Variants in PDE8A observed in about 807,000 individuals in gnomAD.
The protein encoded by PDE8A is high affinity cAMP-specific and IBMX-insensitive 3',5'-cyclic phosphodiesterase 8A.
In PDE8A, 59 loss-of-function variants were observed where a neutral mutation model predicts 105.0. That is an observed-to-expected ratio of 0.56 (90% confidence interval 0.46 to 0.70). PDE8A has a LOEUF of 0.70. Among genes scored for constraint, PDE8A ranks in the 30% least tolerant of loss-of-function variants. The probability of loss-of-function intolerance (pLI) is 0.00; values close to 1 mark genes in which losing one functional copy is unlikely to be tolerated. For missense variants in PDE8A, 1,014 were observed against 1,045.9 expected, an observed-to-expected ratio of 0.97 and a Z score of 0.42; for synonymous variants, 355 against 371.9, an observed-to-expected ratio of 0.95 and a Z score of 0.52.
Position 84,982,044 on chromosome 15 carries a change from G to A in PDE8A, c.-119G>A. ...GTTTCCTGACGCGAGATCCGCGCTCGCCGCCGCCCGCCCAGGCGGCGATGA... is the reference window on the plus strand; with the variant it reads ...GTTTCCTGACGCGAGATCCGCGCTCACCGCCGCCCGCCCAGGCGGCGATGA... On this transcript the variant is annotated 5_prime_UTR_variant, in exon 1 of 22. Coordinates refer to ENST00000394553, the MANE Select transcript of PDE8A (RefSeq NM_002605.3). 1 of 488,846 alleles carries A rather than the reference G, an allele frequency of 2.0e-6. No homozygotes were observed. Among genetic ancestry groups the A allele is most frequent in the Non-Finnish European group, 3.0e-6 (1 of 328,440 alleles). The allele number at this position is 488,846 out of a possible 1,614,324, so 30.3% of individuals were successfully genotyped here. A position where few individuals can be genotyped will look rare whatever the true frequency, so the allele number is the denominator to read the frequency against.
chr15:84,982,643 TTGAC>T (rs1175916838), intron 1 of PDE8A, among the ~76,000 whole-genome samples: 1 of 152,044 alleles, frequency 6.6e-6, no homozygotes. Flanking sequence ...CGATGTGAAG[TTGAC>T]TGAGGCGCTT....
At chr15:84,989,474 C>A (rs1171731099) in intron 1 of PDE8A, among the ~76,000 whole-genome samples, 1 of 152,190 alleles carries the variant, frequency 6.6e-6, no homozygotes, top group Non-Finnish European at 1.5e-5. Flanking sequence ...GGCACATCAG[C>A]AGTTCCCAGG....
intron 1 of PDE8A, among the ~76,000 whole-genome samples, chr15:85,007,522 T>C (rs760107458): frequency 2.0e-5 from 3 of 151,722 alleles, no homozygotes; most frequent in Admixed American, 1.3e-4. Context: ...GTACTTTCTG[T>C]GTATGTTCAA....
At position 85,055,775 on chromosome 15, in the gene PDE8A, G is replaced by A. The variant is rs564558866; in HGVS notation, c.187-8595G>A. On this transcript the variant is annotated intron_variant, in intron 1 of 21. Coordinates refer to ENST00000394553, the MANE Select transcript of PDE8A (RefSeq NM_002605.3). ...TTGACTCTATCCAATTTGCCAGTCTGTGTCTTTTAATTGGAGCATTTAGCC... is the reference window on the plus strand; with the variant it reads ...TTGACTCTATCCAATTTGCCAGTCTATGTCTTTTAATTGGAGCATTTAGCC... Among the ~76,000 whole-genome samples the A allele has an allele frequency of 9.1e-3, 1,385 of 152,234 alleles. 25 individuals are homozygous for A. Among genetic ancestry groups the A allele is most frequent in the African/African-American group, 0.032 (1,310 of 41,516 alleles).
intron 11 of PDE8A, among the ~76,000 whole-genome samples, chr15:85,105,960 C>G (rs1450662254): frequency 6.6e-6 from 1 of 152,206 alleles, no homozygotes; most frequent in Non-Finnish European, 1.5e-5. Context: ...TGGTCCATCT[C>G]TACCCACTGG....
intron 16 of PDE8A, among the ~76,000 whole-genome samples, chr15:85,117,124 T>C (rs2082108424): frequency 6.6e-6 from 1 of 152,204 alleles, no homozygotes; most frequent in Admixed American, 6.5e-5. Flanking sequence ...CCCCTCATAC[T>C]TTTAACGCCC....
chr15:85,104,111 A>G (rs768622523), intron 11 of PDE8A, among the ~76,000 whole-genome samples: 3 of 152,234 alleles, frequency 2.0e-5, no homozygotes, highest in Admixed American at 1.3e-4. Context: ...ACCAAATTGT[A>G]GTGACAACTG....
chr15:85,100,203 G>T lies in PDE8A; in HGVS notation c.1036+5G>T. On this transcript the variant is annotated splice_donor_5th_base_variant and intron_variant, in intron 11 of 21. Transcript: ENST00000394553. ...TTCAGTCTGACACTCATACAGGTACGGTGCCCCGTATTTATTCTTAGAGTT... is the reference window on the plus strand; with the variant it reads ...TTCAGTCTGACACTCATACAGGTACTGTGCCCCGTATTTATTCTTAGAGTT... 5 of 1,609,250 alleles carry T rather than the reference G, an allele frequency of 3.1e-6. No homozygotes were observed. Among genetic ancestry groups the T allele is most frequent in the Non-Finnish European group, 4.3e-6 (5 of 1,176,290 alleles).
intron 6 of PDE8A, among the ~76,000 whole-genome samples, chr15:85,087,364 G>A (rs2081571668): frequency 6.6e-6 from 1 of 152,036 alleles, no homozygotes; most frequent in Non-Finnish European, 1.5e-5. Flanking sequence ...CACCAGGCCA[G>A]CTAATTTTTT....
chr15:85,085,675 C>CAAAAAGTAAA, intron 6 of PDE8A, among the ~76,000 whole-genome samples: 1 of 115,394 alleles, frequency 8.7e-6, no homozygotes, highest in East Asian at 2.6e-4. Context: ...GACTCTGTCT[C>CAAAAAGTAAA]AAAAAAAAAA....
At chr15:85,051,792 T>A (rs532333126) in intron 1 of PDE8A, among the ~76,000 whole-genome samples, 9 of 152,240 alleles carry the variant, frequency 5.9e-5, no homozygotes, top group African/African-American at 1.7e-4. Flanking sequence ...ACGTGATCGT[T>A]TTCCTTTTTA....
chr15:85,015,794 T>C (rs2080315675), intron 1 of PDE8A, among the ~76,000 whole-genome samples: 1 of 152,216 alleles, frequency 6.6e-6, no homozygotes, highest in South Asian at 2.1e-4. Flanking sequence ...GGCATCTCTT[T>C]CTATATTGCA....
At chr15:85,053,635 T>A (rs1279173447) in intron 1 of PDE8A, among the ~76,000 whole-genome samples, 1 of 152,244 alleles carries the variant, frequency 6.6e-6, no homozygotes, top group Non-Finnish European at 1.5e-5. Flanking sequence ...TATTGGTGTA[T>A]AGGAATGCTT....
intron 3 of PDE8A, among the ~76,000 whole-genome samples, chr15:85,068,767 C>A (rs931211074): frequency 2.0e-5 from 3 of 152,078 alleles, no homozygotes; most frequent in Non-Finnish European, 4.4e-5. Context: ...CAGGCCCAAG[C>A]CTAGCCACAG....
At chr15:85,014,020 C>T (rs899238951) in intron 1 of PDE8A, among the ~76,000 whole-genome samples, 3 of 152,242 alleles carry the variant, frequency 2.0e-5, no homozygotes, top group Admixed American at 6.5e-5. Flanking sequence ...GCCTAGACTA[C>T]ATATTGTCAG....
At chr15:85,067,281 A>G (rs1567262358) in intron 3 of PDE8A, 77 bp downstream of exon 3, 1 of 1,031,242 alleles carries the variant, frequency 9.7e-7, no homozygotes, top group East Asian at 2.5e-5. Flanking sequence ...AGATTAAATT[A>G]GACTCACTCT....
intron 1 of PDE8A, among the ~76,000 whole-genome samples, chr15:85,015,537 T>A (rs2080310666): frequency 1.3e-5 from 2 of 152,196 alleles, no homozygotes; most frequent in South Asian, 4.1e-4. Context: ...TTTCCCTCTA[T>A]AAGGGTTGTA....
intron 1 of PDE8A, among the ~76,000 whole-genome samples, chr15:85,008,282 C>T (rs1234230913): frequency 1.3e-5 from 2 of 152,024 alleles, no homozygotes; most frequent in Admixed American, 1.3e-4. Flanking sequence ...GGGAACTTTG[C>T]AATGTTGTGA....
chr15:85,068,886 G>T (rs2081271674), intron 3 of PDE8A, among the ~76,000 whole-genome samples: 3 of 152,182 alleles, frequency 2.0e-5, no homozygotes, highest in African/African-American at 7.2e-5. Context: ...GTTAAAAATT[G>T]TGGTAAAAGA....
Sources: gnomAD v4.1 joint callset for allele counts (sites outside exome capture counted in the v4.1 genomes callset) on GRCh38, gnomAD v4.1.1 for gene constraint, MANE v1.5 for transcripts, NCBI Gene and HGNC (gene_info 2026-07-23, HGNC 2026-07-21) for gene names.